The following DOCK3 variants were observed in gnomAD, a reference collection of about 807,000 sequenced individuals.
DOCK3 encodes the protein dedicator of cytokinesis 3.
Under a neutral mutation model 265.6 loss-of-function variants are expected in DOCK3, and 60 were observed. The observed-to-expected ratio is 0.23, with a 90% CI of 0.18 to 0.28. DOCK3 has a LOEUF of 0.28. Ranked by LOEUF, DOCK3 falls within the 10% of genes least tolerant of loss-of-function variation. The pLI is 1.00. For missense variants in DOCK3, 1,981 were observed against 2,594.3 expected (o/e 0.76, Z 5.14); for synonymous variants, 881 against 938.0 (o/e 0.94, Z 1.11).
intron 2 of DOCK3, among the ~76,000 whole-genome samples, chr3:50,803,503 T>A (rs556932978): frequency 6.6e-6 from 1 of 152,190 alleles, no homozygotes; most frequent in Admixed American, 6.5e-5. Context: ...CAATCTGATT[T>A]CTCTTTCCTT....
intron 5 of DOCK3, among the ~76,000 whole-genome samples, chr3:50,970,948 A>AAATG (rs1491447563): frequency 1.9e-5 from 1 of 51,762 alleles, no homozygotes; most frequent in East Asian, 9.5e-4. Context: ...TATATATATA[A>AAATG]TGTGTGTGTG....
chr3:51,342,560 A>G (rs993640980), intron 38 of DOCK3, among the ~76,000 whole-genome samples: 5 of 152,236 alleles, frequency 3.3e-5, no homozygotes, highest in Admixed American at 3.3e-4. Context: ...AGGGAATGAC[A>G]TAAGCGTGGT....
intron 5 of DOCK3, among the ~76,000 whole-genome samples, chr3:50,984,395 A>G (rs776982005): frequency 3.9e-5 from 6 of 152,150 alleles, no homozygotes; most frequent in Admixed American, 6.5e-5. Flanking sequence ...CTCCTAAGCC[A>G]TATCTTGTAG....
chr3:51,154,884 C>T (rs1470705794), intron 10 of DOCK3, among the ~76,000 whole-genome samples: 2 of 152,170 alleles, frequency 1.3e-5, no homozygotes, highest in African/African-American at 4.8e-5. Context: ...ATGATGTGCT[C>T]TTGTTCTGCC....
chr3:50,771,915 G>A (rs557078788), intron 1 of DOCK3, among the ~76,000 whole-genome samples: 32 of 152,156 alleles, frequency 2.1e-4, no homozygotes, highest in Non-Finnish European at 4.4e-4. Flanking sequence ...TAGAGCTACT[G>A]TGTGATTCAG....
chr3:51,065,447 A>G (rs1206109464), intron 6 of DOCK3, among the ~76,000 whole-genome samples: 2 of 152,216 alleles, frequency 1.3e-5, no homozygotes, highest in Admixed American at 6.5e-5. Context: ...TAAATCCATT[A>G]TATGTGGAGG....
intron 5 of DOCK3, among the ~76,000 whole-genome samples, chr3:50,934,850 G>A (rs146163024): frequency 1.4e-3 from 215 of 152,248 alleles, no homozygotes; most frequent in African/African-American, 4.9e-3. Flanking sequence ...TACACTAAAA[G>A]TAAGTGACAG....
At chr3:50,941,330 G>T (rs2076289656) in intron 5 of DOCK3, among the ~76,000 whole-genome samples, 1 of 152,010 alleles carries the variant, frequency 6.6e-6, no homozygotes, top group South Asian at 2.1e-4. Flanking sequence ...TACATCATTA[G>T]CCAATAGAGT....
chr3:51,178,005 AAAC>A lies in DOCK3; in HGVS notation c.1037+17306_1037+17308del, dbSNP rs1382710910. 1.1e-3 allele frequency among the ~76,000 whole-genome samples: 38 copies of A among 36,044 alleles called. 2 individuals are homozygous for A. In the East Asian group the frequency reaches 0.017, roughly 17 times the overall value. 23.6% of individuals were successfully genotyped at this position (36,044 alleles called of 152,430 possible). A position where few individuals can be genotyped will look rare whatever the true frequency, so the allele number is the denominator to read the frequency against. On this transcript the variant is annotated intron_variant, in intron 12 of 52. Coordinates refer to ENST00000266037, the MANE Select transcript of DOCK3 (RefSeq NM_004947.5). Reference sequence around the variant, plus strand: ...ACTCCATCTCAAAAAAACAAAAAACAAACAAAAAAAAACTCAAAATAGTAAAAA... The same window carrying A: ...ACTCCATCTCAAAAAAACAAAAAACAAAAAAAAAACTCAAAATAGTAAAAA...
intron 3 of DOCK3, among the ~76,000 whole-genome samples, chr3:50,882,770 T>C (rs2048114682): frequency 6.6e-6 from 1 of 152,200 alleles, no homozygotes; most frequent in South Asian, 2.1e-4. Context: ...TTACTGGACA[T>C]ATACCCAAAG....
intron 1 of DOCK3, among the ~76,000 whole-genome samples, chr3:50,681,130 A>G (rs1000679157): frequency 6.6e-6 from 1 of 152,114 alleles, no homozygotes; most frequent in African/African-American, 2.4e-5. Flanking sequence ...TCTTAAGTCT[A>G]TTCAGTAGAC....
chr3:50,970,364 A>G (rs2077162761), intron 5 of DOCK3, among the ~76,000 whole-genome samples: 1 of 152,156 alleles, frequency 6.6e-6, no homozygotes, highest in African/African-American at 2.4e-5. Flanking sequence ...AATTTTCCTC[A>G]ATTATTTCCT....
chr3:50,834,649 A>G (rs2045398130), intron 2 of DOCK3, among the ~76,000 whole-genome samples: 1 of 152,198 alleles, frequency 6.6e-6, no homozygotes, highest in Non-Finnish European at 1.5e-5. Flanking sequence ...TGATTTTGGA[A>G]AGTTTGTCAA....
chr3:51,342,148 T>C (rs1413699096), intron 38 of DOCK3, among the ~76,000 whole-genome samples: 1 of 152,228 alleles, frequency 6.6e-6, no homozygotes, highest in Admixed American at 6.5e-5. Flanking sequence ...GAAATTGGTT[T>C]TTGAGATGAG....
intron 19 of DOCK3, among the ~76,000 whole-genome samples, chr3:51,230,799 G>A (rs2090514088): frequency 1.3e-5 from 2 of 152,116 alleles, no homozygotes; most frequent in Admixed American, 6.5e-5. Flanking sequence ...ACAGGCATGA[G>A]CCACCGCGCC....
intron 9 of DOCK3, among the ~76,000 whole-genome samples, chr3:51,093,817 C>T (rs2082725962): frequency 6.6e-6 from 1 of 152,162 alleles, no homozygotes; most frequent in East Asian, 1.9e-4. Context: ...TCATAAATAG[C>T]TCTTACTATT....
At chr3:51,025,331 G>T (rs1453788690) in intron 5 of DOCK3, among the ~76,000 whole-genome samples, 1 of 152,092 alleles carries the variant, frequency 6.6e-6, no homozygotes, top group African/African-American at 2.4e-5. Context: ...CTGCACAGAG[G>T]AGTTTACAAA....
chr3:51,147,723 CT>C (rs1214585086), intron 10 of DOCK3, among the ~76,000 whole-genome samples: 2 of 152,196 alleles, frequency 1.3e-5, no homozygotes, highest in Non-Finnish European at 2.9e-5. Flanking sequence ...GCCACATTTT[CT>C]TAATCCAGTC....
At chr3:50,912,461 C>G (rs1291680587) in intron 4 of DOCK3, among the ~76,000 whole-genome samples, 1 of 152,128 alleles carries the variant, frequency 6.6e-6, no homozygotes, top group Non-Finnish European at 1.5e-5. Flanking sequence ...TATGTTTGCT[C>G]AAGGCCCTGG....
Sources: allele counts gnomAD v4.1 joint callset (sites outside exome capture counted in the v4.1 genomes callset), GRCh38; gene constraint gnomAD v4.1.1; transcripts MANE v1.5; gene names NCBI Gene and HGNC (gene_info 2026-07-23, HGNC 2026-07-21).